The following NEGR1 variants were observed in gnomAD, a reference collection of about 807,000 sequenced individuals.
NEGR1 encodes neuronal growth regulator 1.
NEGR1 carries 10 observed loss-of-function variants against 40.9 expected under a neutral mutation model. The observed-to-expected ratio is 0.24, with a 90% CI of 0.15 to 0.42. The LOEUF is 0.42. Ranked by LOEUF, NEGR1 falls within the 10% of genes least tolerant of loss-of-function variation. The pLI is 1.00. For synonymous variants in NEGR1, 185 were observed against 166.8 expected (o/e 1.11, Z -0.84); for missense variants, 352 against 438.9 (o/e 0.80, Z 1.77).
intron 3 of NEGR1, among the ~76,000 whole-genome samples, chr1:71,706,958 A>G (rs769151546): frequency 6.6e-6 from 1 of 152,006 alleles, no homozygotes; most frequent in Non-Finnish European, 1.5e-5. Flanking sequence ...GGGAGACCAC[A>G]ACAACTGTGA....
At chr1:72,272,151 C>T (rs1475428408) in intron 1 of NEGR1, among the ~76,000 whole-genome samples, 1 of 151,738 alleles carries the variant, frequency 6.6e-6, no homozygotes, top group African/African-American at 2.4e-5. Context: ...AATTTCTGGG[C>T]TTAATTCTAT....
chr1:71,781,664 A>C (rs1379568075), intron 2 of NEGR1, among the ~76,000 whole-genome samples: 1 of 152,134 alleles, frequency 6.6e-6, no homozygotes, highest in Admixed American at 6.6e-5. Flanking sequence ...TGGCACAAAA[A>C]CCACCTGTTT....
At chr1:71,711,052 G>A (rs1006363729) in intron 3 of NEGR1, among the ~76,000 whole-genome samples, 3 of 151,730 alleles carry the variant, frequency 2.0e-5, no homozygotes, top group African/African-American at 7.3e-5. Flanking sequence ...ATTTTAAATG[G>A]CCAAAATATT....
intron 2 of NEGR1, among the ~76,000 whole-genome samples, chr1:71,817,338 C>G (rs1054664791): frequency 6.6e-6 from 1 of 152,100 alleles, no homozygotes; most frequent in African/African-American, 2.4e-5. Context: ...AGTTCGCTGA[C>G]ATGGGCTAAT....
chr1:71,813,150 G>C (rs1658065154), intron 2 of NEGR1, among the ~76,000 whole-genome samples: 2 of 151,966 alleles, frequency 1.3e-5, no homozygotes, highest in African/African-American at 2.4e-5. Flanking sequence ...TTCTGTATAT[G>C]GCTAGCCAGT....
intron 3 of NEGR1, among the ~76,000 whole-genome samples, chr1:71,754,220 C>T (rs995207876): frequency 2.6e-5 from 4 of 152,128 alleles, no homozygotes; most frequent in Admixed American, 6.5e-5. Flanking sequence ...TGCTGGGCTC[C>T]TCATGCTCTC....
chr1:71,514,191 G>T (rs1212436682), intron 6 of NEGR1, among the ~76,000 whole-genome samples: 2 of 136,034 alleles, frequency 1.5e-5, no homozygotes, highest in African/African-American at 5.8e-5. Flanking sequence ...AAACAAAGCA[G>T]CCGGGAAGCT....
At chr1:72,218,212 A>G (rs1485866983) in intron 1 of NEGR1, among the ~76,000 whole-genome samples, 3 of 151,902 alleles carry the variant, frequency 2.0e-5, no homozygotes, top group Non-Finnish European at 2.9e-5. Flanking sequence ...ATTTGAGGCT[A>G]TTGTCATGAA....
At chr1:71,445,593 T>G (rs534819725) in intron 6 of NEGR1, among the ~76,000 whole-genome samples, 1 of 152,174 alleles carries the variant, frequency 6.6e-6, no homozygotes, top group East Asian at 1.9e-4. Context: ...TCTAATAAAA[T>G]TCTCAAAACA....
At chr1:71,618,298 C>T (rs1650507399) in intron 4 of NEGR1, among the ~76,000 whole-genome samples, 1 of 152,114 alleles carries the variant, frequency 6.6e-6, no homozygotes, top group Non-Finnish European at 1.5e-5. Flanking sequence ...GACTTTGTCC[C>T]TGCCAGAAAA....
intron 4 of NEGR1, among the ~76,000 whole-genome samples, chr1:71,637,202 C>G (rs937749995): frequency 4.6e-5 from 7 of 152,016 alleles, no homozygotes; most frequent in African/African-American, 1.7e-4. Flanking sequence ...ATGTGTCTAT[C>G]ACACCAAGCA....
At chr1:71,633,310 C>T (rs946064232) in intron 4 of NEGR1, among the ~76,000 whole-genome samples, 1 of 152,102 alleles carries the variant, frequency 6.6e-6, no homozygotes, top group African/African-American at 2.4e-5. Context: ...TTATATATTA[C>T]AGTCCCTTGG....
chr1:71,561,348 G>A (rs1648451443), intron 6 of NEGR1, among the ~76,000 whole-genome samples: 2 of 151,596 alleles, frequency 1.3e-5, no homozygotes, highest in South Asian at 4.2e-4. Flanking sequence ...AATTTTAATA[G>A]GGCCTACTTT....
At chr1:71,945,430 A>G (rs2100260085) in intron 1 of NEGR1, among the ~76,000 whole-genome samples, 2 of 152,260 alleles carry the variant, frequency 1.3e-5, no homozygotes, top group South Asian at 4.1e-4. Flanking sequence ...TATAAAATAT[A>G]ATTAGAAGAA....
chr1:72,041,647 G>T (rs1272032200), intron 1 of NEGR1, among the ~76,000 whole-genome samples: 1 of 149,488 alleles, frequency 6.7e-6, no homozygotes, highest in African/African-American at 2.4e-5. Context: ...CCACTTGTGG[G>T]TATAAAATGA....
At chr1:72,269,693 AT>A (rs1655778264) in intron 1 of NEGR1, among the ~76,000 whole-genome samples, 1 of 151,456 alleles carries the variant, frequency 6.6e-6, no homozygotes, top group Non-Finnish European at 1.5e-5. Flanking sequence ...ATAGCTGTTT[AT>A]TTTTTTCTGT....
intron 1 of NEGR1, among the ~76,000 whole-genome samples, chr1:72,094,778 T>TGG (rs1648634280): frequency 6.6e-6 from 1 of 152,202 alleles, no homozygotes; most frequent in Non-Finnish European, 1.5e-5. Context: ...TCTGTAGATC[T>TGG]CACTGGTATT....
intron 2 of NEGR1, among the ~76,000 whole-genome samples, chr1:71,808,865 C>A (rs1443079125): frequency 1.3e-4 from 20 of 152,110 alleles, no homozygotes; most frequent in Admixed American, 1.3e-3. Context: ...ACCAACATAG[C>A]TCAAAGCAAA....
At chr1:72,022,865 C>T (rs1646773526) in intron 1 of NEGR1, among the ~76,000 whole-genome samples, 1 of 152,082 alleles carries the variant, frequency 6.6e-6, no homozygotes, top group Non-Finnish European at 1.5e-5. Flanking sequence ...GGCAAGGTTG[C>T]TGTATATAAA....
Sources: gnomAD v4.1 joint callset for allele counts (sites outside exome capture counted in the v4.1 genomes callset) on GRCh38, gnomAD v4.1.1 for gene constraint, MANE v1.5 for transcripts, NCBI Gene and HGNC (gene_info 2026-07-23, HGNC 2026-07-21) for gene names.